Variants in RGS20 observed in about 807,000 individuals in gnomAD.
RGS20 encodes regulator of G protein signaling 20.
RGS20 carries 30 observed loss-of-function variants against 33.6 expected under a neutral mutation model. That is an observed-to-expected ratio of 0.89 (90% CI 0.67 to 1.21). The LOEUF (loss-of-function observed/expected upper bound fraction) is 1.21, where lower values mean the gene tolerates loss of function less well. Among genes scored for constraint, RGS20 ranks in the 50% most tolerant of loss-of-function variants. The probability of loss-of-function intolerance (pLI) is 0.00; values close to 1 mark genes in which losing one functional copy is unlikely to be tolerated. For synonymous variants in RGS20, 208 were observed against 197.9 expected (o/e 1.05, Z -0.43); for missense variants, 472 against 502.4 (o/e 0.94, Z 0.58).
rs137955467 is a variant in RGS20 at position 53,939,473 on chromosome 8, C to A, written c.511-103C>A. On this transcript the variant is annotated intron_variant, in intron 2 of 5. Coordinates refer to ENST00000297313, the MANE Select transcript of RGS20 (RefSeq NM_170587.4). ...GTAGCAAAAATGACCTGAATGTAGTCGCACTGTATCTTTTCAATGATCCAA... is the reference window on the plus strand; with the variant it reads ...GTAGCAAAAATGACCTGAATGTAGTAGCACTGTATCTTTTCAATGATCCAA... The A allele has an allele frequency of 1.8e-4, 218 of 1,242,352 alleles. 2 individuals carry two copies. In the African/African-American group the frequency reaches 2.3e-3, roughly 13 times the overall value. 77.0% of individuals were successfully genotyped at this position (1,242,352 alleles called of 1,614,324 possible). A position where few individuals can be genotyped will look rare whatever the true frequency, so the allele number is the denominator to read the frequency against.
intron 3 of RGS20, 143 bp downstream of exon 2, chr8:53,939,867 ACACAGGGACAC>A: frequency 1.1e-6 from 1 of 909,104 alleles, no homozygotes; most frequent in Non-Finnish European, 1.6e-6. Flanking sequence ...TATGCCTGAC[ACACAGGGACAC>A]CCAAGAAATA....
At chr8:53,919,849 T>C (rs1352735685) in intron 2 of RGS20, among the ~76,000 whole-genome samples, 1 of 152,158 alleles carries the variant, frequency 6.6e-6, no homozygotes, top group Non-Finnish European at 1.5e-5. Flanking sequence ...CATTGTCTTA[T>C]ATTTTATAAA....
chr8:53,852,086 A>G lies in RGS20; in HGVS notation c.165+22A>G, dbSNP rs750917768. 1.9e-6 allele frequency: 3 copies of G among 1,584,942 alleles called. No homozygotes were observed. In the South Asian group the frequency reaches 3.5e-5, roughly 18 times the overall value. ...CAAGGTAAGGTGATTTCCACAATCC[A>G]TGATCCTTTCCCGTCAAGGGAAAGT... On this transcript the variant is annotated intron_variant, in intron 1 of 5. Coordinates refer to ENST00000297313, the MANE Select transcript of RGS20 (RefSeq NM_170587.4).
At chr8:53,949,841 A>G (rs1181479252) in intron 4 of RGS20, among the ~76,000 whole-genome samples, 1 of 132,820 alleles carries the variant, frequency 7.5e-6, no homozygotes, top group Admixed American at 8.3e-5. Flanking sequence ...CTGTTAACAC[A>G]TTTCTTTTTT....
intron 1 of RGS20, among the ~76,000 whole-genome samples, chr8:53,866,617 G>T (rs1000994593): frequency 6.6e-6 from 1 of 152,052 alleles, no homozygotes; most frequent in Non-Finnish European, 1.5e-5. Flanking sequence ...CCTGACCTTA[G>T]GTGATCCACC....
intron 1 of RGS20, among the ~76,000 whole-genome samples, chr8:53,869,168 A>G (rs1421449408): frequency 1.3e-5 from 2 of 152,020 alleles, no homozygotes; most frequent in Non-Finnish European, 2.9e-5. Context: ...TTCCTGTCCT[A>G]CTCTTTGGGG....
rs567700567 is a variant in RGS20, at chr8:53,894,130, G to A, written c.510+14528G>A. Among the ~76,000 whole-genome samples, 6 of 152,156 alleles carry A rather than the reference G, an allele frequency of 3.9e-5. No individual in the cohort carries two copies. The South Asian group carries it at 8.3e-4, about 21-fold the overall frequency. Reference sequence around the variant, plus strand: ...CCCTATGTGCCATTTTACCCAATACGTTAGTATGGAGGTTTTTGTCCTGGG... The same window carrying A: ...CCCTATGTGCCATTTTACCCAATACATTAGTATGGAGGTTTTTGTCCTGGG... On this transcript the variant is annotated intron_variant, in intron 2 of 5. Transcript: ENST00000297313.
chr8:53,917,595 A>G (rs1401423106), intron 2 of RGS20, among the ~76,000 whole-genome samples: 2 of 152,182 alleles, frequency 1.3e-5, no homozygotes, highest in Non-Finnish European at 2.9e-5. Flanking sequence ...TTTACACACC[A>G]TAAAGTTTAC....
intron 2 of RGS20, among the ~76,000 whole-genome samples, chr8:53,885,449 T>G (rs1196416532): frequency 6.6e-6 from 1 of 151,964 alleles, no homozygotes; most frequent in East Asian, 1.9e-4. Flanking sequence ...CCGTCTCTAC[T>G]AAAAAATACA....
chr8:53,897,579 A>G (rs958214612), intron 2 of RGS20, among the ~76,000 whole-genome samples: 1 of 152,258 alleles, frequency 6.6e-6, no homozygotes, highest in East Asian at 1.9e-4. Flanking sequence ...ACAGTAAGCA[A>G]TTCACATCAT....
At chr8:53,944,805 A>G (rs1156693566) in intron 3 of RGS20, among the ~76,000 whole-genome samples, 1 of 152,216 alleles carries the variant, frequency 6.6e-6, no homozygotes, top group Non-Finnish European at 1.5e-5. Flanking sequence ...AAATGGTCAA[A>G]ACATCTGAAC....
chr8:53,931,769 G>T (rs1392288231), intron 2 of RGS20, among the ~76,000 whole-genome samples: 3 of 152,140 alleles, frequency 2.0e-5, no homozygotes, highest in Non-Finnish European at 4.4e-5. Context: ...AAGCAGTGTG[G>T]GGTGTCGCCT....
chr8:53,874,126 G>A (rs1392283503), intron 1 of RGS20, among the ~76,000 whole-genome samples: 1 of 152,154 alleles, frequency 6.6e-6, no homozygotes, highest in Non-Finnish European at 1.5e-5. Flanking sequence ...CTTGAAGCCA[G>A]GCGGTAGAGG....
intron 1 of RGS20, among the ~76,000 whole-genome samples, chr8:53,856,997 A>T (rs1469088846): frequency 6.6e-6 from 1 of 152,258 alleles, no homozygotes; most frequent in African/African-American, 2.4e-5. Flanking sequence ...GCTTAGTAAG[A>T]GAGCAAGTAC....
At chr8:53,884,792 A>G (rs1024561372) in intron 2 of RGS20, among the ~76,000 whole-genome samples, 2 of 152,244 alleles carry the variant, frequency 1.3e-5, no homozygotes, top group African/African-American at 4.8e-5. Flanking sequence ...AGGACCAGGC[A>G]GTCATGTCGT....
intron 1 of RGS20, among the ~76,000 whole-genome samples, chr8:53,870,913 C>G (rs1812048050): frequency 6.6e-6 from 1 of 151,740 alleles, no homozygotes; most frequent in Non-Finnish European, 1.5e-5. Context: ...GAGTTCAAGA[C>G]CAGCCTGGCC....
Position 53,887,560 on chromosome 8 carries a change from G to A in RGS20, c.510+7958G>A, listed in dbSNP as rs183937107. Among the ~76,000 whole-genome samples, 12 of 152,330 alleles carry A rather than the reference G, an allele frequency of 7.9e-5. No homozygotes were observed. The East Asian group carries it at 2.3e-3, about 29-fold the overall frequency. On this transcript the variant is annotated intron_variant, in intron 2 of 5. Coordinates refer to ENST00000297313, the MANE Select transcript of RGS20 (RefSeq NM_170587.4). Reference sequence around the variant, plus strand: ...GACACAAGAGAGGTGACACAGGAGAGGGTGCTGGCCAGAGAGCAGCCCAAG... The same window carrying A: ...GACACAAGAGAGGTGACACAGGAGAAGGTGCTGGCCAGAGAGCAGCCCAAG...
intron 4 of RGS20, among the ~76,000 whole-genome samples, chr8:53,950,935 T>A (rs1285077849): frequency 6.6e-6 from 1 of 152,094 alleles, no homozygotes; most frequent in Non-Finnish European, 1.5e-5. Flanking sequence ...TTCTTCCCCA[T>A]ACTAGCAGTA....
Position 53,856,382 on chromosome 8 carries a change from C to CT in RGS20, c.165+4326dup, listed in dbSNP as rs1490969653. On this transcript the variant is annotated intron_variant, in intron 1 of 5. Transcript: ENST00000297313. Reference sequence around the variant, plus strand: ...AAACGTCCACAATTACCCCCAGCTACTTTTTTTTGTATTTTTAGTACAGAC... The same window carrying CT: ...AAACGTCCACAATTACCCCCAGCTACTTTTTTTTTGTATTTTTAGTACAGAC... Among the ~76,000 whole-genome samples, 5 of 151,858 alleles carry CT rather than the reference C, an allele frequency of 3.3e-5. No individual in the cohort carries two copies. The South Asian group carries it at 6.3e-4, about 19-fold the overall frequency.
Sources: gnomAD v4.1 joint callset for allele counts (sites outside exome capture counted in the v4.1 genomes callset) on GRCh38, gnomAD v4.1.1 for gene constraint, MANE v1.5 for transcripts, NCBI Gene and HGNC (gene_info 2026-07-23, HGNC 2026-07-21) for gene names.